The following CNIH3 variants were observed in gnomAD, a reference collection of about 807,000 sequenced individuals.
The protein encoded by CNIH3 is cornichon family AMPA receptor auxiliary protein 3, also known as protein cornichon homolog 3.
In CNIH3, 14 loss-of-function variants were observed where a neutral mutation model predicts 24.1. That is an observed-to-expected ratio of 0.58 (90% CI 0.38 to 0.91). The LOEUF (loss-of-function observed/expected upper bound fraction) is 0.91. CNIH3 is among the 40% of genes least tolerant of loss of function. CNIH3 has a pLI of 0.00. For missense variants in CNIH3, 178 were observed against 196.8 expected, an observed-to-expected ratio of 0.90 and a Z score of 0.57; for synonymous variants, 68 against 73.8, an observed-to-expected ratio of 0.92 and a Z score of 0.40.
intron 3 of CNIH3, among the ~76,000 whole-genome samples, chr1:224,603,685 G>A (rs921364981): frequency 3.9e-5 from 6 of 152,046 alleles, no homozygotes; most frequent in African/African-American, 1.4e-4. Flanking sequence ...TTGTATTTTT[G>A]TTAAAATAAT....
At chr1:224,731,517 G>C (rs899014784) in intron 4 of CNIH3, among the ~76,000 whole-genome samples, 13 of 152,188 alleles carry the variant, frequency 8.5e-5, no homozygotes, top group African/African-American at 3.1e-4. Context: ...GGACCCCAAA[G>C]TGTTTTATCA....
chr1:224,646,320 A>G (rs1267136536), intron 1 of CNIH3, among the ~76,000 whole-genome samples: 1 of 152,242 alleles, frequency 6.6e-6, no homozygotes, highest in African/African-American at 2.4e-5. Flanking sequence ...ATCTGAGCCA[A>G]GGTTGAGGAC....
At chr1:224,725,888 C>A (rs1164486593) in intron 3 of CNIH3, among the ~76,000 whole-genome samples, 1 of 152,152 alleles carries the variant, frequency 6.6e-6, no homozygotes, top group African/African-American at 2.4e-5. Flanking sequence ...TGCCCCTCTC[C>A]ACCACAGTAG....
chr1:224,602,686 A>G (rs556027279), intron 3 of CNIH3, among the ~76,000 whole-genome samples: 1 of 152,380 alleles, frequency 6.6e-6, no homozygotes, highest in Non-Finnish European at 1.5e-5. Flanking sequence ...TGAGGGAATG[A>G]ATAGTTCTCA....
rs528016739 is a variant in CNIH3 at position 224,683,683 on chromosome 1, C to T, written c.151-1113C>T. 2.0e-5 allele frequency among the ~76,000 whole-genome samples: 3 copies of T among 152,320 alleles called. No individual in the cohort carries two copies. The East Asian group carries it at 5.8e-4, about 29-fold the overall frequency. ...AGGAGGAATGCTCGGTTTTACTCCTCGTTTCTCATGTTTTCCCTTCCTTTT... is the reference window on the plus strand; with the variant it reads ...AGGAGGAATGCTCGGTTTTACTCCTTGTTTCTCATGTTTTCCCTTCCTTTT... On this transcript the variant is annotated intron_variant, in intron 2 of 5. Transcript: ENST00000272133.
intron 3 of CNIH3, among the ~76,000 whole-genome samples, chr1:224,552,542 T>C (rs1035613929): frequency 3.3e-5 from 5 of 151,714 alleles, no homozygotes; most frequent in Non-Finnish European, 7.4e-5. Flanking sequence ...AGGAATAATA[T>C]CACAAGATGT....
At chr1:224,615,048 G>C (rs1238378125), upstream of CNIH3, among the ~76,000 whole-genome samples, 1 of 152,162 alleles carries the variant, frequency 6.6e-6, no homozygotes, top group Non-Finnish European at 1.5e-5. Context: ...TTAGGAGTCC[G>C]CAGACAGGAT....
At chr1:224,645,529 A>G (rs1471388389) in intron 1 of CNIH3, among the ~76,000 whole-genome samples, 1 of 152,228 alleles carries the variant, frequency 6.6e-6, no homozygotes, top group Non-Finnish European at 1.5e-5. Flanking sequence ...GCAGCTCCCC[A>G]TCACGTGGTG....
chr1:224,552,439 G>A (rs10916637), intron 3 of CNIH3, among the ~76,000 whole-genome samples: 42,157 of 149,814 alleles, frequency 0.28, 7,345 homozygotes, highest in African/African-American at 0.5. Context: ...ATCCACTGTG[G>A]TATTAGGAGT....
At chr1:224,495,439 C>T (rs143519009) in intron 1 of CNIH3, among the ~76,000 whole-genome samples, 6 of 152,260 alleles carry the variant, frequency 3.9e-5, no homozygotes, top group East Asian at 3.9e-4. Flanking sequence ...TGAATTCATT[C>T]GTTCATCAAA....
At chr1:224,643,406 G>T (rs946422297) in intron 1 of CNIH3, among the ~76,000 whole-genome samples, 6 of 152,244 alleles carry the variant, frequency 3.9e-5, no homozygotes, top group African/African-American at 1.4e-4. Flanking sequence ...TAGGGAAAAT[G>T]CAGCGAGGTG....
intron 3 of CNIH3, among the ~76,000 whole-genome samples, chr1:224,552,763 T>C (rs141421469): frequency 1.9e-3 from 290 of 151,730 alleles, no homozygotes; most frequent in African/African-American, 6.1e-3. Flanking sequence ...TCACCGGGTG[T>C]ACACTCCCTG....
At chr1:224,729,661 A>G (rs1481765356) in intron 3 of CNIH3, among the ~76,000 whole-genome samples, 3 of 152,076 alleles carry the variant, frequency 2.0e-5, no homozygotes, top group Admixed American at 1.3e-4. Context: ...TCTTCCTTAC[A>G]GTTACCCTTT....
At chr1:224,731,950 G>A (rs1689353167) in intron 4 of CNIH3, among the ~76,000 whole-genome samples, 1 of 152,212 alleles carries the variant, frequency 6.6e-6, no homozygotes, top group Non-Finnish European at 1.5e-5. Flanking sequence ...ATGGTATGGA[G>A]GGCCTGAAAT....
At chr1:224,588,331 A>G (rs1428741867) in intron 5 of CNIH3, 1 of 152,232 alleles carries the variant, frequency 6.6e-6, no homozygotes, top group Non-Finnish European at 1.5e-5. Flanking sequence ...GCTTTCTTGT[A>G]TATTTTAAAG....
rs143548431 is a variant in CNIH3 at position 224,734,817 on chromosome 1, A to C, written c.455+111A>C. ...GAGATGGCGTGCGAGGGTGGGAGTC[A>C]TGGCCATTCAGGTGTAGTCCCAGCT... On this transcript the variant is annotated intron_variant, in intron 5 of 5. Coordinates refer to ENST00000272133, the MANE Select transcript of CNIH3 (RefSeq NM_152495.2). 674 of 1,123,536 alleles carry C rather than the reference A, an allele frequency of 6.0e-4. No homozygotes were observed. In the African/African-American group the frequency reaches 8.9e-3, roughly 15 times the overall value. The allele number at this position is 1,123,536 out of a possible 1,614,324, so 69.6% of individuals were successfully genotyped here.
At chr1:224,606,887 G>A (rs1682449632) in intron 3 of CNIH3, among the ~76,000 whole-genome samples, 2 of 152,166 alleles carry the variant, frequency 1.3e-5, no homozygotes, top group Admixed American at 6.5e-5. Flanking sequence ...AAGCCTCCCA[G>A]AAGCTTTTCC....
intron 1 of CNIH3, among the ~76,000 whole-genome samples, chr1:224,663,179 A>C (rs1421639033): frequency 2.6e-5 from 4 of 152,178 alleles, no homozygotes; most frequent in Non-Finnish European, 5.9e-5. Context: ...TCCAACTGTA[A>C]GACAGTCCTA....
chr1:224,503,398 C>T (rs890373667), intron 1 of CNIH3, among the ~76,000 whole-genome samples: 1 of 152,106 alleles, frequency 6.6e-6, no homozygotes, highest in Non-Finnish European at 1.5e-5. Flanking sequence ...CACCCTCCCC[C>T]CTCTTATTTC....
Sources: allele counts gnomAD v4.1 joint callset (sites outside exome capture counted in the v4.1 genomes callset), GRCh38; gene constraint gnomAD v4.1.1; transcripts MANE v1.5; gene names NCBI Gene and HGNC (gene_info 2026-07-23, HGNC 2026-07-21).